CCDC138: variants seen among roughly 807,000 people sequenced by gnomAD.
CCDC138 encodes the protein coiled-coil domain containing 138, also known as coiled-coil domain-containing protein 138.
CCDC138 carries 66 observed loss-of-function variants against 82.3 expected under a neutral mutation model. The observed-to-expected ratio is 0.80, with a 90% CI of 0.66 to 0.98. CCDC138 has a LOEUF of 0.98. Among genes scored for constraint, CCDC138 ranks in the 50% least tolerant of loss-of-function variants. The pLI is 0.00. For missense variants in CCDC138, 816 were observed against 758.9 expected (o/e 1.08, Z -0.88); for synonymous variants, 297 against 265.4 (o/e 1.12, Z -1.16).
intron 10 of CCDC138, among the ~76,000 whole-genome samples, chr2:108,831,230 A>G (rs921261169): frequency 1.3e-5 from 2 of 152,172 alleles, no homozygotes; most frequent in African/African-American, 4.8e-5. Context: ...GTAAGAAAGC[A>G]AAAGGCAATG....
intron 11 of CCDC138, among the ~76,000 whole-genome samples, chr2:108,844,338 A>G (rs963028700): frequency 6.6e-6 from 1 of 151,804 alleles, no homozygotes; most frequent in Admixed American, 6.6e-5. Flanking sequence ...TCTTTCCTCC[A>G]TCCTCTCCAT....
chr2:108,793,672 C>G (rs953992733), intron 4 of CCDC138, among the ~76,000 whole-genome samples: 1 of 151,720 alleles, frequency 6.6e-6, no homozygotes, highest in African/African-American at 2.4e-5. Context: ...TCTGGGCTCA[C>G]TGTAAGCTCC....
chr2:108,843,450 A>T (rs1689862547), intron 11 of CCDC138, among the ~76,000 whole-genome samples: 1 of 152,276 alleles, frequency 6.6e-6, no homozygotes. Flanking sequence ...AAGCCACCGC[A>T]CCTGGCCTAG....
At chr2:108,819,572 C>A (rs923359931) in intron 10 of CCDC138, among the ~76,000 whole-genome samples, 25 of 152,120 alleles carry the variant, frequency 1.6e-4, no homozygotes, top group African/African-American at 5.5e-4. Flanking sequence ...GAGGAAACAG[C>A]GATAAGTTGC....
chr2:108,883,625 T>G (rs1696350961), intron 2 of CCDC138: 2 of 152,286 alleles, frequency 1.3e-5, no homozygotes, highest in African/African-American at 4.8e-5. Flanking sequence ...AATCTTCCAT[T>G]GACCCTTCCA....
chr2:108,787,054 C>T, intron 1 of CCDC138, 139 bp downstream of exon 1: 1 of 454,538 alleles, frequency 2.2e-6, no homozygotes, highest in Non-Finnish European at 3.6e-6. Context: ...GCGGCTTGGG[C>T]CTCGTGGAAG....
intron 10 of CCDC138, 99 bp downstream of exon 10, chr2:108,816,204 A>G: frequency 1.1e-6 from 1 of 884,262 alleles, no homozygotes; most frequent in Non-Finnish European, 1.7e-6. Flanking sequence ...TAATCCCATC[A>G]CTTTGGGAGT....
intron 7 of CCDC138, among the ~76,000 whole-genome samples, chr2:108,806,573 CTCTT>C (rs1007752911): frequency 3.3e-5 from 5 of 152,272 alleles, no homozygotes; most frequent in African/African-American, 7.2e-5. Flanking sequence ...CATGTGGTCT[CTCTT>C]TCAGTGACCC....
chr2:108,851,570 T>C (rs760680365), intron 12 of CCDC138, among the ~76,000 whole-genome samples: 21 of 152,160 alleles, frequency 1.4e-4, no homozygotes, highest in Non-Finnish European at 2.4e-4. Context: ...CCAAAAGTGC[T>C]GATATTACAG....
chr2:108,812,111 A>G (rs1272853554), intron 7 of CCDC138, among the ~76,000 whole-genome samples: 2 of 152,156 alleles, frequency 1.3e-5, no homozygotes, highest in South Asian at 2.1e-4. Flanking sequence ...ACTACAAAAC[A>G]TTATTAAAAG....
chr2:108,818,963 C>T (rs1201683164), intron 10 of CCDC138, among the ~76,000 whole-genome samples: 2 of 151,930 alleles, frequency 1.3e-5, no homozygotes, highest in African/African-American at 4.8e-5. Flanking sequence ...GATTCAGTAA[C>T]ATAAGGGTGG....
At chr2:108,813,054 C>T in intron 9 of CCDC138, 127 bp downstream of exon 9, 1 of 669,268 alleles carries the variant, frequency 1.5e-6, no homozygotes. Context: ...TCGAGACCAT[C>T]CTGGCCAACA....
Position 108,876,215 on chromosome 2 carries a change from A to G in CCDC138, c.1960A>G (p.Thr654Ala), listed in dbSNP as rs1696007612. ...LNSTLFNLGL[T>A]KCNSLVSSAS... Reference sequence around the variant, plus strand: ...TTCAACTCTGTTCAATCTGGGTTTAACAAAATGTAACTCCCTGGTCTCCAG... The same window carrying G: ...TTCAACTCTGTTCAATCTGGGTTTAGCAAAATGTAACTCCCTGGTCTCCAG... Residue 654 changes from threonine (T) to alanine (A), a missense_variant, in exon 15 of 15, where the codon ACA (threonine) becomes GCA (alanine). Transcript: ENST00000295124. The G allele has an allele frequency of 6.2e-7, 1 of 1,613,074 alleles. No individual in the cohort carries two copies. The highest frequency in any genetic ancestry group is 1.1e-5 in the South Asian group (1 of 90,882).
chr2:108,818,059 A>C (rs1373447525), intron 10 of CCDC138, among the ~76,000 whole-genome samples: 1 of 152,194 alleles, frequency 6.6e-6, no homozygotes, highest in Admixed American at 6.5e-5. Flanking sequence ...TAATCCTTGC[A>C]CTTCGGGAGG....
intron 10 of CCDC138, among the ~76,000 whole-genome samples, chr2:108,831,785 C>T (rs146112153): frequency 0.013 from 1,981 of 149,472 alleles, 61 homozygotes; most frequent in South Asian, 0.08. Context: ...CAGGCTGGAG[C>T]GCAATGGCAT....
intron 12 of CCDC138, among the ~76,000 whole-genome samples, chr2:108,856,448 T>C (rs1692615852): frequency 6.6e-6 from 1 of 152,228 alleles, no homozygotes; most frequent in East Asian, 1.9e-4. Context: ...ATAGAAATAC[T>C]AAGTTTTTGG....
chr2:108,826,412 G>A (rs1686603879), intron 10 of CCDC138, among the ~76,000 whole-genome samples: 1 of 152,032 alleles, frequency 6.6e-6, no homozygotes, highest in South Asian at 2.1e-4. Flanking sequence ...GGCCTTTGAT[G>A]CATTTTGAGT....
intron 13 of CCDC138, among the ~76,000 whole-genome samples, chr2:108,858,559 C>T (rs1693013852): frequency 6.6e-6 from 1 of 152,122 alleles, no homozygotes; most frequent in Admixed American, 6.6e-5. Flanking sequence ...ACTTGTTGGT[C>T]AGCCAGTACG....
chr2:108,884,270 G>A (rs895730114), intron 2 of CCDC138: 1 of 152,166 alleles, frequency 6.6e-6, no homozygotes, highest in African/African-American at 2.4e-5. Context: ...GTCAAGCAGG[G>A]ACCATGGTGC....
Sources: allele counts gnomAD v4.1 joint callset (sites outside exome capture counted in the v4.1 genomes callset), GRCh38; gene constraint gnomAD v4.1.1; transcripts MANE v1.5; gene names NCBI Gene and HGNC (gene_info 2026-07-23, HGNC 2026-07-21).